SULT1E1: variants seen among roughly 807,000 people sequenced by gnomAD.
SULT1E1 encodes sulfotransferase family 1E member 1.
SULT1E1 carries 36 observed loss-of-function variants against 33.6 expected under a neutral mutation model. That is an observed-to-expected ratio of 1.07 (90% CI 0.82 to 1.41). The LOEUF (loss-of-function observed/expected upper bound fraction) is 1.41. Among genes scored for constraint, SULT1E1 ranks in the 40% most tolerant of loss-of-function variants. SULT1E1 has a pLI of 0.00. For synonymous variants in SULT1E1, 121 were observed against 111.7 expected (o/e 1.08, Z -0.53); for missense variants, 371 against 345.7 (o/e 1.07, Z -0.58).
Position 69,841,807 on chromosome 4 carries a change from C to T in SULT1E1, c.*187G>A, listed in dbSNP as rs1720890893. 1 of 427,802 alleles carries T rather than the reference C, an allele frequency of 2.3e-6. No homozygotes were observed. The highest frequency in any genetic ancestry group is 4.1e-6 in the Non-Finnish European group (1 of 243,692). The allele number at this position is 427,802 out of a possible 1,614,324, so 26.5% of individuals were successfully genotyped here. Reference sequence around the variant, plus strand: ...AATCAGCCATGATTGTGCCACTGTCCTCCAGCCTAGGCAACAGAGTGAGAC... The same window carrying T: ...AATCAGCCATGATTGTGCCACTGTCTTCCAGCCTAGGCAACAGAGTGAGAC... On this transcript the variant is annotated 3_prime_UTR_variant, in exon 8 of 8. Coordinates refer to ENST00000226444, the MANE Select transcript of SULT1E1 (RefSeq NM_005420.3).
rs751200332 is a variant in SULT1E1, at chr4:69,842,039, C to T, written c.840G>A (p.Glu280=). ...ALNEKFDKHY[E]QQMKESTLKF... is the part of the protein sequence containing the mutation. ...TCAGTGTAGATTCCTTCATTTGCTGCTCATAATGTTTATCAAATTTTTCAT... is the reference window on the plus strand; with the variant it reads ...TCAGTGTAGATTCCTTCATTTGCTGTTCATAATGTTTATCAAATTTTTCAT... Residue 280 remains glutamate, a synonymous_variant, in exon 8 of 8, where the codon GAG becomes GAA. Coordinates refer to ENST00000226444, the MANE Select transcript of SULT1E1 (RefSeq NM_005420.3). The T allele has an allele frequency of 1.8e-5, 29 of 1,609,378 alleles. No individual in the cohort carries two copies. The highest frequency in any genetic ancestry group is 2.0e-5 in the Non-Finnish European group (24 of 1,178,274).
intron 3 of SULT1E1, 103 bp from the exon 4 acceptor site, chr4:69,854,417 A>G (rs1721194557): frequency 1.4e-6 from 1 of 711,550 alleles, no homozygotes; most frequent in Non-Finnish European, 2.2e-6. Context: ...AAGATTCTAT[A>G]TTGTAATTAG....
At chr4:69,828,414 C>T in the SULT1E1 span, among the ~76,000 whole-genome samples, 18 of 152,266 alleles carry the variant, frequency 1.2e-4, no homozygotes, top group Admixed American at 3.9e-4. Flanking sequence ...GAGGAACAAA[C>T]AACTCTGGAC....
At chr4:69,825,538 G>A in the SULT1E1 span, among the ~76,000 whole-genome samples, 6 of 152,154 alleles carry the variant, frequency 3.9e-5, no homozygotes, top group African/African-American at 1.4e-4. Flanking sequence ...CAACTAGCAT[G>A]CCTGCTGGAC....
At chr4:69,839,353 T>C (rs1197249037), downstream of SULT1E1, among the ~76,000 whole-genome samples, 3 of 152,182 alleles carry the variant, frequency 2.0e-5, no homozygotes, top group Non-Finnish European at 4.4e-5. Context: ...GAGGACTCAC[T>C]TTTGTAATAA....
At chr4:69,849,088 A>G (rs981312207) in intron 5 of SULT1E1, 1 of 166,832 alleles carries the variant, frequency 6.0e-6, no homozygotes, top group African/African-American at 2.4e-5. Flanking sequence ...TGTTCAATAG[A>G]GTTGTAATAA....
At chr4:69,829,311 T>C in the SULT1E1 span, among the ~76,000 whole-genome samples, 1 of 152,138 alleles carries the variant, frequency 6.6e-6, no homozygotes, top group Non-Finnish European at 1.5e-5. Flanking sequence ...ATGAAGTCGC[T>C]CTAAGTGTTT....
chr4:69,821,851 G>A, the SULT1E1 span, among the ~76,000 whole-genome samples: 6,107 of 152,178 alleles, frequency 0.04, 404 homozygotes, highest in African/African-American at 0.14. Flanking sequence ...TAAAGCTTTT[G>A]GGTAAATGGG....
chr4:69,841,602 G>C lies in SULT1E1; in HGVS notation c.*392C>G, dbSNP rs990405427. On this transcript the variant is annotated 3_prime_UTR_variant, in exon 8 of 8. Transcript: ENST00000226444. The stretch of plus-strand genomic sequence containing the variant: ...AGCATGGTGGTGTGTGCCTGTTGTT[G>C]CAGCTACTTGGGAAGCTTGAGCCCA... 1 of 157,648 alleles carries C rather than the reference G, an allele frequency of 6.3e-6. No homozygotes were observed. Among genetic ancestry groups the C allele is most frequent in the African/African-American group, 2.4e-5 (1 of 41,414 alleles). The allele number at this position is 157,648 out of a possible 1,614,324, so 9.8% of individuals were successfully genotyped here. A position where few individuals can be genotyped will look rare whatever the true frequency, so the allele number is the denominator to read the frequency against.
chr4:69,833,006 G>GTTAC, the SULT1E1 span, among the ~76,000 whole-genome samples: 6 of 152,126 alleles, frequency 3.9e-5, no homozygotes, highest in Admixed American at 2.0e-4. Context: ...AACTTTGCCT[G>GTTAC]TTACTGCCTT....
At chr4:69,849,798 C>T (rs571409146) in intron 4 of SULT1E1, among the ~76,000 whole-genome samples, 1 of 151,774 alleles carries the variant, frequency 6.6e-6, no homozygotes, top group Non-Finnish European at 1.5e-5. Flanking sequence ...CATTATTATG[C>T]CATTTTCACA....
intron 6 of SULT1E1, 51 bp downstream of exon 6, chr4:69,847,647 T>C (rs755281485): frequency 8.3e-7 from 1 of 1,202,750 alleles, no homozygotes; most frequent in East Asian, 2.4e-5. Flanking sequence ...TATTTTCAAA[T>C]GCTAACATCT....
intron 1 of SULT1E1, 79 bp from the exon 2 acceptor site, chr4:69,857,732 C>A: frequency 4.5e-6 from 6 of 1,320,982 alleles, no homozygotes; most frequent in Non-Finnish European, 6.1e-6. Context: ...ATAACGGGAC[C>A]CTCCTACATA....
intron 7 of SULT1E1, 93 bp downstream of exon 7, chr4:69,844,068 T>G (rs1484055321): frequency 2.6e-6 from 3 of 1,142,096 alleles, no homozygotes; most frequent in African/African-American, 1.5e-5. Flanking sequence ...TAAGCTGGGT[T>G]CATAGGCATT....
In SULT1E1 at chr4:69,856,329, ATATAT is replaced by A. The variant is rs558283959; in HGVS notation, c.146-908_146-904del. Among the ~76,000 whole-genome samples, 237 of 152,348 alleles carry A rather than the reference ATATAT, an allele frequency of 1.6e-3. 1 individual carries two copies. The highest frequency in any genetic ancestry group is 2.4e-3 in the Non-Finnish European group (160 of 68,038). On this transcript the variant is annotated intron_variant, in intron 2 of 7. Transcript: ENST00000226444. ...ATAAAAATCATGAAAAGGTACTGAC[ATATAT>A]TATATTAAGCAGAAGAGCAAGATTA...
At chr4:69,858,483 CT>C (rs1270659163) in intron 1 of SULT1E1, among the ~76,000 whole-genome samples, 1 of 152,074 alleles carries the variant, frequency 6.6e-6, no homozygotes, top group Non-Finnish European at 1.5e-5. Context: ...GTTTTTTCAA[CT>C]GCCAAACTTA....
At chr4:69,823,125 C>T in the SULT1E1 span, among the ~76,000 whole-genome samples, 36 of 152,310 alleles carry the variant, frequency 2.4e-4, no homozygotes, top group South Asian at 6.4e-3. Context: ...GCAGACTCAA[C>T]GTCCAAAGAC....
In SULT1E1 at chr4:69,847,704, C is replaced by G. The variant is rs543232908; in HGVS notation, c.585G>C (p.Leu195=). The part of the protein sequence containing the change: ...PRVLFLFYED[L]KEDIRKEVIK... The stretch of plus-strand genomic sequence containing the variant: ...TGTGTTCCCAGTTCCTCACCTCTTT[C>G]AGGTCTTCGTAGAAAAGAAATAGTA... Residue 195 remains leucine (L), a synonymous_variant, in exon 6 of 8, where the codon CTG becomes CTC. Coordinates refer to ENST00000226444, the MANE Select transcript of SULT1E1 (RefSeq NM_005420.3). 3 of 1,600,834 alleles carry G rather than the reference C, an allele frequency of 1.9e-6. No homozygotes were observed. Among genetic ancestry groups the G allele is most frequent in the South Asian group, 2.2e-5 (2 of 89,462 alleles).
chr4:69,849,654 T>A, intron 4 of SULT1E1, 91 bp from the exon 5 acceptor site: 1 of 1,210,498 alleles, frequency 8.3e-7, no homozygotes, highest in Non-Finnish European at 1.1e-6. Flanking sequence ...CATTTTCAAA[T>A]ATAAACATAA....
Sources: allele counts gnomAD v4.1 joint callset (sites outside exome capture counted in the v4.1 genomes callset), GRCh38; gene constraint gnomAD v4.1.1; transcripts MANE v1.5; gene names NCBI Gene and HGNC (gene_info 2026-07-23, HGNC 2026-07-21).